GLIS3: variants seen among roughly 807,000 people sequenced by gnomAD.
GLIS3 encodes the protein zinc finger protein GLIS3.
GLIS3 carries 53 observed loss-of-function variants against 78.6 expected under a neutral mutation model. The observed-to-expected ratio is 0.67, with a 90% confidence interval of 0.54 to 0.85. The LOEUF is 0.85. GLIS3 is among the 40% of genes least tolerant of loss of function. GLIS3 has a pLI of 0.00. For synonymous variants in GLIS3, 684 were observed against 509.9 expected (o/e 1.34, Z -4.60); for missense variants, 1,703 against 1,231.1 (o/e 1.38, Z -5.74).
chr9:4,233,348 T>G (rs562620959), intron 2 of GLIS3, among the ~76,000 whole-genome samples: 122 of 152,344 alleles, frequency 8.0e-4, no homozygotes, highest in Non-Finnish European at 1.7e-3. Flanking sequence ...AAACTGAAAG[T>G]TGAAATTACT....
chr9:4,086,754 G>A (rs1172478004), intron 4 of GLIS3, among the ~76,000 whole-genome samples: 1 of 152,194 alleles, frequency 6.6e-6, no homozygotes, highest in East Asian at 1.9e-4. Context: ...GCACAGGAGG[G>A]ACTTTCAGCA....
chr9:4,327,514 G>C (rs991399968), intron 2 of GLIS3, among the ~76,000 whole-genome samples: 1 of 152,134 alleles, frequency 6.6e-6, no homozygotes, highest in Non-Finnish European at 1.5e-5. Context: ...ATTCAAGTGG[G>C]ATTTAGGGAG....
intron 6 of GLIS3, among the ~76,000 whole-genome samples, chr9:3,903,247 G>A (rs1823442500): frequency 6.6e-6 from 1 of 152,174 alleles, no homozygotes. Flanking sequence ...ATGGTTAAAT[G>A]AGGCTCATTT....
intron 2 of GLIS3, among the ~76,000 whole-genome samples, chr9:4,128,448 C>T (rs1832734739): frequency 6.6e-6 from 1 of 152,178 alleles, no homozygotes; most frequent in South Asian, 2.1e-4. Context: ...AACCTAGGGT[C>T]TAATGCACAT....
intron 4 of GLIS3, among the ~76,000 whole-genome samples, chr9:4,030,364 T>C (rs1337844469): frequency 6.6e-6 from 1 of 152,182 alleles, no homozygotes; most frequent in Non-Finnish European, 1.5e-5. Flanking sequence ...GTCAAATGGG[T>C]AGTTTGAAAA....
At chr9:4,164,704 G>A (rs1261842165) in intron 2 of GLIS3, among the ~76,000 whole-genome samples, 2 of 152,154 alleles carry the variant, frequency 1.3e-5, no homozygotes, top group African/African-American at 2.4e-5. Flanking sequence ...AACATCCCAT[G>A]AGCATGCAAC....
rs187046957 is a variant in GLIS3, at chr9:4,250,805, C to T, written c.388+35233G>A. On this transcript the variant is annotated intron_variant, in intron 2 of 10. Coordinates refer to ENST00000381971, the MANE Select transcript of GLIS3 (RefSeq NM_001042413.2). ...TAGCTGTGTCCCAGAGATTCTGGTACGTTGTGTCTTTGTTCTCATTGGTTT... is the reference window on the plus strand; with the variant it reads ...TAGCTGTGTCCCAGAGATTCTGGTATGTTGTGTCTTTGTTCTCATTGGTTT... 5.9e-5 allele frequency among the ~76,000 whole-genome samples: 9 copies of T among 152,182 alleles called. No individual in the cohort carries two copies. In the South Asian group the frequency reaches 6.2e-4, roughly 11 times the overall value.
intron 2 of GLIS3, among the ~76,000 whole-genome samples, chr9:4,137,928 C>G (rs908156162): frequency 8.5e-5 from 13 of 152,224 alleles, no homozygotes; most frequent in African/African-American, 3.1e-4. Flanking sequence ...GGGAAGTAAG[C>G]AGATACATTT....
intron 2 of GLIS3, among the ~76,000 whole-genome samples, chr9:4,218,719 A>G (rs190544538): frequency 6.6e-6 from 1 of 152,294 alleles, no homozygotes; most frequent in East Asian, 1.9e-4. Context: ...TTAATTTTGA[A>G]TTAAATTTAA....
At chr9:4,481,515 A>AGTGTGTGTGT in the GLIS3 span, among the ~76,000 whole-genome samples, 209 of 147,582 alleles carry the variant, frequency 1.4e-3, 1 homozygote, top group African/African-American at 4.3e-3. Context: ...TAAAAACATA[A>AGTGTGTGTGT]GTGTGTGTGT....
At chr9:4,451,059 G>C in the GLIS3 span, among the ~76,000 whole-genome samples, 1 of 152,154 alleles carries the variant, frequency 6.6e-6, no homozygotes, top group African/African-American at 2.4e-5. Context: ...CTGGCATATT[G>C]GATAAAGTGT....
intron 6 of GLIS3, among the ~76,000 whole-genome samples, chr9:3,926,257 GTCTTGC>G (rs1280624569): frequency 7.1e-6 from 1 of 141,404 alleles, no homozygotes; most frequent in Non-Finnish European, 1.5e-5. Flanking sequence ...CTTTGACGGA[GTCTTGC>G]TCTGTCACCC....
At chr9:4,116,075 AG>A (rs1161583159) in intron 4 of GLIS3, among the ~76,000 whole-genome samples, 1 of 152,262 alleles carries the variant, frequency 6.6e-6, no homozygotes, top group Middle Eastern at 3.2e-3. Context: ...GTCTTTGCAA[AG>A]CCTGGCAACA....
intron 2 of GLIS3, among the ~76,000 whole-genome samples, chr9:4,314,702 ACT>A (rs1440639554): frequency 6.6e-6 from 1 of 152,172 alleles, no homozygotes; most frequent in Non-Finnish European, 1.5e-5. Flanking sequence ...GAAAAAGAAC[ACT>A]GATTTTTCTG....
At chr9:4,223,503 C>A (rs79343234) in intron 2 of GLIS3, among the ~76,000 whole-genome samples, 39 of 152,028 alleles carry the variant, frequency 2.6e-4, no homozygotes, top group Non-Finnish European at 8.8e-5. Flanking sequence ...CTTTTAGAGA[C>A]CCACCTTTAT....
chr9:4,205,772 G>C (rs1410349811), intron 2 of GLIS3, among the ~76,000 whole-genome samples: 2 of 152,216 alleles, frequency 1.3e-5, no homozygotes, highest in East Asian at 3.8e-4. Context: ...GTTCCAACAA[G>C]ACAAGACTAA....
intron 2 of GLIS3, among the ~76,000 whole-genome samples, chr9:4,207,485 G>T (rs1015096701): frequency 6.6e-6 from 1 of 152,186 alleles, no homozygotes; most frequent in Non-Finnish European, 1.5e-5. Context: ...GAGCAATTTA[G>T]AGACAGGTTA....
At chr9:3,850,948 T>A (rs139175472) in intron 9 of GLIS3, among the ~76,000 whole-genome samples, 51 of 152,382 alleles carry the variant, frequency 3.3e-4, no homozygotes, top group African/African-American at 1.2e-3. Flanking sequence ...CTTTGACACC[T>A]TCTTCTGAAT....
At chr9:3,879,374 G>A (rs1821564316) in intron 8 of GLIS3, 53 bp downstream of exon 8, 3 of 1,553,114 alleles carry the variant, frequency 1.9e-6, no homozygotes, top group Non-Finnish European at 2.7e-6. Flanking sequence ...ACTTGTCTGT[G>A]AAGGGAGGTT....
Sources: gnomAD v4.1 joint callset for allele counts (sites outside exome capture counted in the v4.1 genomes callset) on GRCh38, gnomAD v4.1.1 for gene constraint, MANE v1.5 for transcripts, NCBI Gene and HGNC (gene_info 2026-07-23, HGNC 2026-07-21) for gene names.